NXPE2: variants seen among roughly 807,000 people sequenced by gnomAD.
The protein encoded by NXPE2 is neurexophilin and PC-esterase domain family member 2, also known as NXPE family member 2.
NXPE2 carries 34 observed loss-of-function variants against 34.4 expected under a neutral mutation model. The observed-to-expected ratio is 0.99, with a 90% CI of 0.75 to 1.31. The LOEUF is 1.31. NXPE2 is among the 40% of genes most tolerant of loss of function. The pLI is 0.00. For synonymous variants in NXPE2, 235 were observed against 231.3 expected, an observed-to-expected ratio of 1.02 and a Z score of -0.15; for missense variants, 649 against 672.5, an observed-to-expected ratio of 0.97 and a Z score of 0.39.
chr11:114,770,494 C>T, the NXPE2 span, among the ~76,000 whole-genome samples: 9 of 152,342 alleles, frequency 5.9e-5, no homozygotes, highest in Non-Finnish European at 1.3e-4. Flanking sequence ...CTGTTGGGTA[C>T]TGCTGAAGCG....
chr11:114,673,387 A>T, the NXPE2 span, among the ~76,000 whole-genome samples: 21 of 151,722 alleles, frequency 1.4e-4, no homozygotes, highest in South Asian at 4.4e-3. Context: ...GAAAGATCTC[A>T]AATCAATAAC....
chr11:114,527,100 T>C, the NXPE2 span: 3 of 152,302 alleles, frequency 2.0e-5, no homozygotes, highest in African/African-American at 4.8e-5. Context: ...ATGCCTGATA[T>C]CTATTCAGTG....
At chr11:114,628,826 A>G in the NXPE2 span, among the ~76,000 whole-genome samples, 1 of 152,002 alleles carries the variant, frequency 6.6e-6, no homozygotes, top group Non-Finnish European at 1.5e-5. Flanking sequence ...GCAATAAAAA[A>G]TGATAAAGGG....
chr11:114,541,665 A>T, the NXPE2 span, among the ~76,000 whole-genome samples: 1 of 152,190 alleles, frequency 6.6e-6, no homozygotes, highest in Non-Finnish European at 1.5e-5. Flanking sequence ...GACAATTTGA[A>T]GTGGGGGGGA....
At chr11:114,524,910 C>G in the NXPE2 span, among the ~76,000 whole-genome samples, 128 of 152,248 alleles carry the variant, frequency 8.4e-4, no homozygotes, top group African/African-American at 2.9e-3. Flanking sequence ...AAAAGCAACT[C>G]CATTTTAGAT....
chr11:114,813,270 C>T, the NXPE2 span, among the ~76,000 whole-genome samples: 3,801 of 152,310 alleles, frequency 0.025, 62 homozygotes, highest in Middle Eastern at 0.075. Context: ...ATTCTAGGAT[C>T]TGTTTGTCTG....
chr11:114,494,869 G>A, the NXPE2 span, among the ~76,000 whole-genome samples: 1 of 152,088 alleles, frequency 6.6e-6, no homozygotes. Flanking sequence ...GTGCTCGGAG[G>A]GACTTGTGTG....
At chr11:114,794,087 C>T in the NXPE2 span, among the ~76,000 whole-genome samples, 1 of 152,112 alleles carries the variant, frequency 6.6e-6, no homozygotes, top group Non-Finnish European at 1.5e-5. Flanking sequence ...ATACATGTGC[C>T]AGACAAAGCA....
chr11:114,707,415 G>A (rs1250487484), downstream of NXPE2: 4 of 425,556 alleles, frequency 9.4e-6, no homozygotes, highest in Admixed American at 7.7e-5. Flanking sequence ...TTTATTTTTC[G>A]AGACAGTCTC....
chr11:114,536,224 T>C, the NXPE2 span, among the ~76,000 whole-genome samples: 34,438 of 152,026 alleles, frequency 0.23, 5,490 homozygotes, highest in African/African-American at 0.44. Flanking sequence ...AAGATGTTCT[T>C]TGAAACCAAT....
At chr11:114,587,676 G>T in the NXPE2 span, among the ~76,000 whole-genome samples, 1 of 152,174 alleles carries the variant, frequency 6.6e-6, no homozygotes, top group Non-Finnish European at 1.5e-5. Context: ...AACAGTTGGG[G>T]GGATGCCCCC....
At chr11:114,645,482 C>A in the NXPE2 span, among the ~76,000 whole-genome samples, 18 of 151,914 alleles carry the variant, frequency 1.2e-4, no homozygotes, top group East Asian at 3.1e-3. Context: ...GAAAGACAAA[C>A]AAAAACCAAA....
At chr11:114,719,538 C>T in the NXPE2 span, among the ~76,000 whole-genome samples, 1 of 152,186 alleles carries the variant, frequency 6.6e-6, no homozygotes, top group Admixed American at 6.5e-5. Flanking sequence ...TTGTGCACAC[C>T]TGATGTGAAT....
chr11:114,718,061 A>C, the NXPE2 span, among the ~76,000 whole-genome samples: 1 of 152,216 alleles, frequency 6.6e-6, no homozygotes, highest in Admixed American at 6.5e-5. Flanking sequence ...TGTAGTCTAT[A>C]GAGCAACTCA....
the NXPE2 span, among the ~76,000 whole-genome samples, chr11:114,745,097 C>A: frequency 6.6e-6 from 1 of 152,014 alleles, no homozygotes; most frequent in African/African-American, 2.4e-5. Context: ...TGCCATAGTT[C>A]TAATATTTGT....
At chr11:114,731,477 GT>G in the NXPE2 span, among the ~76,000 whole-genome samples, 1 of 152,188 alleles carries the variant, frequency 6.6e-6, no homozygotes, top group African/African-American at 2.4e-5. Flanking sequence ...TAATGTAGAT[GT>G]TCTTAAGTGG....
the NXPE2 span, among the ~76,000 whole-genome samples, chr11:114,793,971 C>G: frequency 2.0e-5 from 3 of 152,256 alleles, no homozygotes; most frequent in South Asian, 6.2e-4. Flanking sequence ...CCCACTTTAC[C>G]TGGCAAGTGC....
the NXPE2 span, chr11:114,530,241 G>A: frequency 7.4e-6 from 12 of 1,614,084 alleles, no homozygotes; most frequent in Non-Finnish European, 1.0e-5. Flanking sequence ...GGTCATGTAG[G>A]TCAGAGCCTC....
the NXPE2 span, among the ~76,000 whole-genome samples, chr11:114,755,009 CTA>C: frequency 6.6e-6 from 1 of 152,140 alleles, no homozygotes; most frequent in Admixed American, 6.5e-5. Flanking sequence ...AAGTTGCGAT[CTA>C]TGAGATTTTT....
Sources: allele counts gnomAD v4.1 joint callset (sites outside exome capture counted in the v4.1 genomes callset), GRCh38; gene constraint gnomAD v4.1.1; transcripts MANE v1.5; gene names NCBI Gene and HGNC (gene_info 2026-07-23, HGNC 2026-07-21).